The following POLA1 variants were observed in gnomAD, a reference collection of about 807,000 sequenced individuals.
POLA1 encodes the protein DNA polymerase alpha catalytic subunit.
In POLA1, 15 loss-of-function variants were observed where a neutral mutation model predicts 124.0. That is an observed-to-expected ratio of 0.12 (90% CI 0.08 to 0.19). The LOEUF (loss-of-function observed/expected upper bound fraction) is 0.19, where lower values mean the gene tolerates loss of function less well. Among genes scored for constraint, POLA1 ranks in the 10% least tolerant of loss-of-function variants. The pLI, the probability that POLA1 is intolerant of heterozygous loss-of-function variation, is 1.00. For synonymous variants in POLA1, 408 were observed against 389.4 expected, an observed-to-expected ratio of 1.05 and a Z score of -0.56; for missense variants, 886 against 1,103.4, an observed-to-expected ratio of 0.80 and a Z score of 2.79.
intron 4 of POLA1, among the ~76,000 whole-genome samples, chrX:24,709,215 C>A (rs1388251825): frequency 8.7e-5 from 9 of 102,961 alleles, no homozygotes; most frequent in Non-Finnish European, 1.8e-4. Flanking sequence ...ACCTCCCTCC[C>A]GGACAGGGCG....
At chrX:24,754,232 T>C (rs1049111196) in intron 26 of POLA1, among the ~76,000 whole-genome samples, 2 of 110,416 alleles carry the variant, frequency 1.8e-5, no homozygotes, top group Non-Finnish European at 3.8e-5. Context: ...ACTTTTGCAA[T>C]CTTTTTCTTT....
At chrX:24,777,197 G>A (rs964461059) in intron 26 of POLA1, among the ~76,000 whole-genome samples, 11 of 111,895 alleles carry the variant, frequency 9.8e-5, no homozygotes, top group Admixed American at 1.9e-4. Context: ...GTTTGTGCTC[G>A]TGAAATACAA....
intron 26 of POLA1, among the ~76,000 whole-genome samples, chrX:24,773,870 G>C (rs1370635673): frequency 8.9e-6 from 1 of 111,886 alleles, no homozygotes; most frequent in African/African-American, 3.3e-5. Context: ...ATAGGGCTGA[G>C]AGTTATACTG....
intron 32 of POLA1, among the ~76,000 whole-genome samples, chrX:24,829,950 C>G (rs768260939): frequency 8.9e-6 from 1 of 112,284 alleles, no homozygotes; most frequent in South Asian, 3.7e-4. Context: ...AAAATACAAG[C>G]CCTCCAACTG....
chrX:24,948,036 G>A (rs1036640044), intron 36 of POLA1, among the ~76,000 whole-genome samples: 17 of 111,894 alleles, frequency 1.5e-4, no homozygotes, highest in African/African-American at 4.5e-4. Context: ...TTATTTGTTC[G>A]AAAAAGGGAA....
intron 26 of POLA1, among the ~76,000 whole-genome samples, chrX:24,793,277 CAAAAAAAAAA>C (rs144419886): frequency 7.7e-5 from 2 of 26,038 alleles, no homozygotes; most frequent in South Asian, 3.1e-3. Flanking sequence ...GACTCCCTCT[CAAAAAAAAAA>C]AAAAAAAAAA....
At chrX:24,858,782 T>G (rs11573442) in intron 34 of POLA1, among the ~76,000 whole-genome samples, 362 of 112,469 alleles carry the variant, frequency 3.2e-3, no homozygotes, top group African/African-American at 0.011. Context: ...AGTACTGAAG[T>G]AGGCTGTCTG....
At chrX:24,767,366 C>G (rs997039195) in intron 26 of POLA1, among the ~76,000 whole-genome samples, 4 of 111,708 alleles carry the variant, frequency 3.6e-5, no homozygotes, top group African/African-American at 9.8e-5. Context: ...TGCCCGCCCC[C>G]CTTAGGTTGG....
chrX:24,870,541 A>G (rs1327657292), intron 34 of POLA1, among the ~76,000 whole-genome samples: 2 of 111,919 alleles, frequency 1.8e-5, no homozygotes, highest in Non-Finnish European at 3.8e-5. Flanking sequence ...TTCTTAGTAA[A>G]TTAATGACCT....
chrX:24,853,163 C>G (rs758137491), intron 34 of POLA1, among the ~76,000 whole-genome samples: 1 of 112,211 alleles, frequency 8.9e-6, no homozygotes, highest in Admixed American at 9.4e-5. Context: ...AATTTTCCAG[C>G]AAAATAGATT....
intron 28 of POLA1, among the ~76,000 whole-genome samples, chrX:24,812,166 T>G (rs1387229216): frequency 8.9e-6 from 1 of 112,591 alleles, no homozygotes; most frequent in Non-Finnish European, 1.9e-5. Context: ...ACTCTTTATT[T>G]GTTCAGCATG....
chrX:24,746,353 T>A (rs750473924), intron 24 of POLA1, among the ~76,000 whole-genome samples: 61 of 111,634 alleles, frequency 5.5e-4, no homozygotes, highest in Admixed American at 4.0e-3. Context: ...CTGCATTCAA[T>A]TAATATTTGA....
intron 34 of POLA1, among the ~76,000 whole-genome samples, chrX:24,854,991 T>G (rs2046623804): frequency 8.9e-6 from 1 of 112,019 alleles, no homozygotes; most frequent in Non-Finnish European, 1.9e-5. Flanking sequence ...AGCAACATTT[T>G]GTGAGAATAA....
chrX:24,968,962 A>G (rs765807143), intron 36 of POLA1, among the ~76,000 whole-genome samples: 2 of 111,496 alleles, frequency 1.8e-5, no homozygotes, highest in East Asian at 5.7e-4. Context: ...TAATCCCAGC[A>G]CTTTGGGAGG....
intron 36 of POLA1, among the ~76,000 whole-genome samples, chrX:24,947,520 C>A (rs770330948): frequency 9.1e-6 from 1 of 110,462 alleles, no homozygotes; most frequent in African/African-American, 3.3e-5. Context: ...ATCCGCCTGC[C>A]TTGGCCTCCC....
At chrX:24,758,673 GTTTTTTGT>G (rs759559354) in intron 26 of POLA1, among the ~76,000 whole-genome samples, 400 of 111,495 alleles carry the variant, frequency 3.6e-3, no homozygotes, top group African/African-American at 0.012. Context: ...GAAGTTTTTT[GTTTTTTGT>G]TTTTTTGTTT....
At chrX:24,948,351 G>T (rs377174779) in intron 36 of POLA1, among the ~76,000 whole-genome samples, 1 of 104,307 alleles carries the variant, frequency 9.6e-6, no homozygotes. Flanking sequence ...GCTACTTTCT[G>T]TTTTTTTTTT....
At chrX:24,755,645 T>C (rs1250232196) in intron 26 of POLA1, among the ~76,000 whole-genome samples, 1 of 111,856 alleles carries the variant, frequency 8.9e-6, no homozygotes, top group Non-Finnish European at 1.9e-5. Context: ...ACTTTATTTG[T>C]AGTCTTTCAT....
intron 31 of POLA1, among the ~76,000 whole-genome samples, chrX:24,823,002 T>A (rs1601771328): frequency 8.9e-6 from 1 of 112,012 alleles, no homozygotes; most frequent in East Asian, 2.8e-4. Context: ...ATCATTGTAT[T>A]TAAAAGTCTG....
Sources: allele counts gnomAD v4.1 joint callset (sites outside exome capture counted in the v4.1 genomes callset), GRCh38; gene constraint gnomAD v4.1.1; transcripts MANE v1.5; gene names NCBI Gene and HGNC (gene_info 2026-07-23, HGNC 2026-07-21).